The following RIMKLA variants were observed in gnomAD, a reference collection of about 807,000 sequenced individuals.
The protein encoded by RIMKLA is N-acetylaspartylglutamate synthase A.
A neutral mutation model predicts 32.7 loss-of-function variants in RIMKLA; 14 were observed. The observed-to-expected ratio is 0.43, with a 90% CI of 0.28 to 0.67. The LOEUF is 0.67. Ranked by LOEUF, RIMKLA falls within the 30% of genes least tolerant of loss-of-function variation. The pLI, the probability that RIMKLA is intolerant of heterozygous loss-of-function variation, is 0.18. For missense variants in RIMKLA, 410 were observed against 519.0 expected, an observed-to-expected ratio of 0.79 and a Z score of 2.04; for synonymous variants, 176 against 204.1, an observed-to-expected ratio of 0.86 and a Z score of 1.18.
intron 2 of RIMKLA, 150 bp downstream of exon 2, chr1:42,399,784 A>G (rs1643081326): frequency 3.2e-6 from 2 of 618,520 alleles, no homozygotes; most frequent in African/African-American, 1.8e-5. Context: ...TTTCTATCTG[A>G]AAATGCCTTG....
At chr1:42,392,790 G>A (rs1480093468) in intron 1 of RIMKLA, among the ~76,000 whole-genome samples, 1 of 152,070 alleles carries the variant, frequency 6.6e-6, no homozygotes, top group Non-Finnish European at 1.5e-5. Flanking sequence ...TCAGAAGTTC[G>A]ACACCAGCCT....
At chr1:42,400,301 C>T (rs935038535) in intron 2 of RIMKLA, among the ~76,000 whole-genome samples, 1 of 152,108 alleles carries the variant, frequency 6.6e-6, no homozygotes, top group Non-Finnish European at 1.5e-5. Flanking sequence ...CTGAGACTAA[C>T]AGGAAGTTAT....
rs552469950 is a variant in RIMKLA at position 42,423,439 on chromosome 1, G to A, written c.*8465G>A. ...CTTGATACCATCTAATTCCCAGTCC[G>A]TATTCAAATTCCCCCATTGTCTCAA... On this transcript the variant is annotated 3_prime_UTR_variant, in exon 5 of 5. Transcript: ENST00000431473. Among the ~76,000 whole-genome samples the A allele has an allele frequency of 3.9e-5, 6 of 152,262 alleles. No homozygotes were observed. Among genetic ancestry groups the A allele is most frequent in the South Asian group, 4.1e-4 (2 of 4,826 alleles).
rs1230458125 is a variant in RIMKLA at position 42,404,553 on chromosome 1, C to T, written c.437C>T (p.Pro146Leu). 1 of 1,613,712 alleles carries T rather than the reference C, an allele frequency of 6.2e-7. No individual in the cohort carries two copies. The highest frequency in any genetic ancestry group is 8.5e-7 in the Non-Finnish European group (1 of 1,179,878). ...TCAAAAATGATTGATGAAGCTGAGC[C>T]CCTGGGCTACCCAGTCGTGGTGAAG... is the stretch of plus-strand genomic sequence containing the variant. Reference protein sequence around the residue: ...DFSKMIDEAEPLGYPVVVKST... With the variant: ...DFSKMIDEAELLGYPVVVKST... Residue 146 changes from proline (P) to leucine (L), a missense_variant, in exon 3 of 5, where the codon CCC becomes CTC. Coordinates refer to ENST00000431473, the MANE Select transcript of RIMKLA (RefSeq NM_173642.4).
In RIMKLA at chr1:42,423,003, G is replaced by C. The variant is rs1643307167; in HGVS notation, c.*8029G>C. ...GAAAGAATCTGTGTACTCACCAGAA[G>C]AACTCTGACAGGTCAGGCAGGGCCC... On this transcript the variant is annotated 3_prime_UTR_variant, in exon 5 of 5. Coordinates refer to ENST00000431473, the MANE Select transcript of RIMKLA (RefSeq NM_173642.4). Among the ~76,000 whole-genome samples, 1 of 152,190 alleles carries C rather than the reference G, an allele frequency of 6.6e-6. No individual in the cohort carries two copies. Among genetic ancestry groups the C allele is most frequent in the Non-Finnish European group, 1.5e-5 (1 of 68,042 alleles).
At chr1:42,408,922 T>C (rs1050860097) in intron 3 of RIMKLA, among the ~76,000 whole-genome samples, 1 of 152,050 alleles carries the variant, frequency 6.6e-6, no homozygotes, top group Non-Finnish European at 1.5e-5. Flanking sequence ...GAAAAGCTGA[T>C]GTTGGCCGGT....
At chr1:42,384,585 G>GTGTATATA (rs1409058758) in intron 1 of RIMKLA, among the ~76,000 whole-genome samples, 1 of 141,308 alleles carries the variant, frequency 7.1e-6, no homozygotes, top group Non-Finnish European at 1.5e-5. Flanking sequence ...GTATATATGT[G>GTGTATATA]TGTATATATG....
chr1:42,404,151 C>T (rs1349454447), intron 2 of RIMKLA, among the ~76,000 whole-genome samples: 5 of 152,160 alleles, frequency 3.3e-5, no homozygotes, highest in Non-Finnish European at 5.9e-5. Flanking sequence ...TTCATTGGTC[C>T]CTTCCACACT....
At chr1:42,408,934 A>G (rs1643172839) in intron 3 of RIMKLA, among the ~76,000 whole-genome samples, 1 of 151,928 alleles carries the variant, frequency 6.6e-6, no homozygotes, top group Non-Finnish European at 1.5e-5. Flanking sequence ...TTGGCCGGTT[A>G]TGGTGACTCA....
Position 42,420,624 on chromosome 1 carries a change from A to T in RIMKLA, c.*5650A>T, listed in dbSNP as rs1223095282. On this transcript the variant is annotated 3_prime_UTR_variant, in exon 5 of 5. Transcript: ENST00000431473. ...TAAAAACATTTTCCTGGACGAAGAC[A>T]GTTCCCTCCCCAAGCGGAATTCGAG... is the stretch of plus-strand genomic sequence containing the variant. The T allele has an allele frequency of 6.6e-6, 1 of 152,228 alleles. No individual in the cohort carries two copies. The highest frequency in any genetic ancestry group is 1.5e-5 in the Non-Finnish European group (1 of 68,042). The allele number at this position is 152,228 out of a possible 1,614,324, so 9.4% of individuals were successfully genotyped here. A position where few individuals can be genotyped will look rare whatever the true frequency, so the allele number is the denominator to read the frequency against.
rs1643314504 is a variant in RIMKLA at position 42,423,753 on chromosome 1, A to G, written c.*8779A>G. ...TCCCAGCTTCATGCTGCTGGCACCC[A>G]CTTGTCTATCACGCTGGTATCCGCT... On this transcript the variant is annotated 3_prime_UTR_variant, in exon 5 of 5. Coordinates refer to ENST00000431473, the MANE Select transcript of RIMKLA (RefSeq NM_173642.4). Among the ~76,000 whole-genome samples, 2 of 152,220 alleles carry G rather than the reference A, an allele frequency of 1.3e-5. No homozygotes were observed. The highest frequency in any genetic ancestry group is 4.2e-4 in the South Asian group (2 of 4,812).
At chr1:42,384,575 G>A (rs554937349) in intron 1 of RIMKLA, among the ~76,000 whole-genome samples, 6 of 139,186 alleles carry the variant, frequency 4.3e-5, no homozygotes, top group Non-Finnish European at 9.3e-5. Flanking sequence ...ATATATATGT[G>A]TATATATGTG....
At position 42,418,901 on chromosome 1, in the gene RIMKLA, AAGTCACTAC is replaced by A. The variant is rs1249685500; in HGVS notation, c.*3931_*3939del. On this transcript the variant is annotated 3_prime_UTR_variant, in exon 5 of 5. Transcript: ENST00000431473. Reference sequence around the variant, plus strand: ...TCAGAGAATAAATCCAACCTTAGTCAAGTCACTACAGTTTAATATTTTCCTTTGCAACTG... The same window carrying A: ...TCAGAGAATAAATCCAACCTTAGTCAAGTTTAATATTTTCCTTTGCAACTG... 2 of 152,252 alleles carry A rather than the reference AAGTCACTAC, an allele frequency of 1.3e-5. No homozygotes were observed. Among genetic ancestry groups the A allele is most frequent in the Admixed American group, 1.3e-4 (2 of 15,280 alleles). 9.4% of individuals were successfully genotyped at this position (152,252 alleles called of 1,614,324 possible).
Position 42,381,023 on chromosome 1 carries a change from G to A in RIMKLA, c.89G>A (p.Cys30Tyr). The A allele has an allele frequency of 7.2e-7, 1 of 1,395,634 alleles. No homozygotes were observed. 86.5% of individuals were successfully genotyped at this position (1,395,634 alleles called of 1,614,324 possible). A position where few individuals can be genotyped will look rare whatever the true frequency, so the allele number is the denominator to read the frequency against. ...VQILRALRQR[C>Y]SEQDVRFRAV... ...ATCCTGCGCGCCCTCCGGCAGCGCT[G>A]CTCCGAGCAGGACGTGCGCTTCCGG... Residue 30 changes from cysteine to tyrosine, a missense_variant, in exon 1 of 5, where the codon TGC (cysteine) becomes TAC (tyrosine). Cys to Tyr is a radical substitution (Grantham distance 194). Transcript: ENST00000431473.
At position 42,380,914 on chromosome 1, in the gene RIMKLA, G is replaced by A. The variant is rs1479984720; in HGVS notation, c.-21G>A. The A allele has an allele frequency of 3.8e-6, 5 of 1,329,210 alleles. No homozygotes were observed. The Middle Eastern group carries it at 1.1e-3, about 300-fold the overall frequency. The allele number at this position is 1,329,210 out of a possible 1,614,324, so 82.3% of individuals were successfully genotyped here. On this transcript the variant is annotated 5_prime_UTR_variant, in exon 1 of 5. Transcript: ENST00000431473. ...GGCGCCGAGGGGTCCGCGCCGCGCGGGGCGCACCGCCCTGGCCGCCATGTG... is the reference window on the plus strand; with the variant it reads ...GGCGCCGAGGGGTCCGCGCCGCGCGAGGCGCACCGCCCTGGCCGCCATGTG...
intron 1 of RIMKLA, among the ~76,000 whole-genome samples, chr1:42,395,662 T>C (rs1643037200): frequency 6.6e-6 from 1 of 152,196 alleles, no homozygotes; most frequent in Admixed American, 6.5e-5. Context: ...GCAGTGGAAA[T>C]GTTAACGATC....
Position 42,414,709 on chromosome 1 carries a change from C to A in RIMKLA, c.911C>A (p.Pro304Gln), listed in dbSNP as rs777559216. 5 of 1,614,038 alleles carry A rather than the reference C, an allele frequency of 3.1e-6. No homozygotes were observed. In the East Asian group the frequency reaches 1.1e-4, roughly 36 times the overall value. The stretch of plus-strand genomic sequence containing the variant: ...GCAGACTATACCATGTCCTTGCTGC[C>A]AAATAGGCAGACTGGAAAGATGGCT... ...IIADYTMSLLPNRQTGKMAVL... is the reference protein window; with the variant it reads ...IIADYTMSLLQNRQTGKMAVL... The change falls in exon 5 of 5, where the codon CCA (proline) becomes CAA (glutamine). Residue 304 changes from proline to glutamine, a missense_variant. Coordinates refer to ENST00000431473, the MANE Select transcript of RIMKLA (RefSeq NM_173642.4).
chr1:42,410,166 A>T lies in RIMKLA; in HGVS notation c.664A>T (p.Met222Leu). ...SMLRCSTDGR[M>L]QSNCSLGGVG... Reference sequence around the variant, plus strand: ...GCTTCGCTGCTCCACTGATGGACGGATGCAGAGCAACTGCTCTCTCGGTAA... The same window carrying T: ...GCTTCGCTGCTCCACTGATGGACGGTTGCAGAGCAACTGCTCTCTCGGTAA... Residue 222 changes from methionine to leucine, a missense_variant, in exon 4 of 5, where the codon ATG (methionine) becomes TTG (leucine). Transcript: ENST00000431473. 1 of 1,614,152 alleles carries T rather than the reference A, an allele frequency of 6.2e-7. No individual in the cohort carries two copies. Among genetic ancestry groups the T allele is most frequent in the Middle Eastern group, 1.7e-4 (1 of 6,060 alleles).
chr1:42,424,098 C>T lies in RIMKLA; in HGVS notation c.*9124C>T, dbSNP rs969435869. Reference sequence around the variant, plus strand: ...GCTCTAAAGGACATTATTAAGACAACTGGTCTGTACTGTATTGCCTGATAG... The same window carrying T: ...GCTCTAAAGGACATTATTAAGACAATTGGTCTGTACTGTATTGCCTGATAG... On this transcript the variant is annotated 3_prime_UTR_variant, in exon 5 of 5. Transcript: ENST00000431473. 2.0e-5 allele frequency among the ~76,000 whole-genome samples: 3 copies of T among 152,188 alleles called. No individual in the cohort carries two copies. The South Asian group carries it at 6.2e-4, about 32-fold the overall frequency.
Sources: gnomAD v4.1 joint callset for allele counts (sites outside exome capture counted in the v4.1 genomes callset) on GRCh38, gnomAD v4.1.1 for gene constraint, MANE v1.5 for transcripts, NCBI Gene and HGNC (gene_info 2026-07-23, HGNC 2026-07-21) for gene names.